DPF3: variants seen among roughly 807,000 people sequenced by gnomAD.
DPF3 encodes double PHD fingers 3, also known as zinc finger protein DPF3.
A neutral mutation model predicts 56.8 loss-of-function variants in DPF3; 18 were observed. The ratio of observed to expected loss-of-function variants is 0.32; its 90% CI spans 0.22 to 0.47. The LOEUF (loss-of-function observed/expected upper bound fraction) is 0.47. Ranked by LOEUF, DPF3 falls within the 20% of genes least tolerant of loss-of-function variation. The pLI, the probability that DPF3 is intolerant of heterozygous loss-of-function variation, is 1.00. For synonymous variants in DPF3, 188 were observed against 180.2 expected, an observed-to-expected ratio of 1.04 and a Z score of -0.35; for missense variants, 403 against 488.8, an observed-to-expected ratio of 0.82 and a Z score of 1.65.
At chr14:72,772,020 C>A (rs765290588) in intron 1 of DPF3, 127 bp from the exon 2 acceptor site, 39 of 1,037,974 alleles carry the variant, frequency 3.8e-5, no homozygotes, top group Non-Finnish European at 5.0e-5. Flanking sequence ...AAGACCAAGG[C>A]AATGAGCACC....
intron 3 of DPF3, among the ~76,000 whole-genome samples, chr14:72,736,295 G>C (rs1051121596): frequency 1.3e-5 from 2 of 152,102 alleles, no homozygotes; most frequent in African/African-American, 2.4e-5. Context: ...TTTCCATTTA[G>C]AGCGTATCTC....
intron 7 of DPF3, among the ~76,000 whole-genome samples, chr14:72,688,114 A>ATGGATGGG (rs1887490983): frequency 6.9e-6 from 1 of 145,818 alleles, no homozygotes; most frequent in African/African-American, 2.5e-5. Context: ...TGGTTATTAC[A>ATGGATGGG]TGGATGGGTG....
intron 6 of DPF3, among the ~76,000 whole-genome samples, chr14:72,705,923 AG>A (rs1888385132): frequency 6.6e-6 from 1 of 152,066 alleles, no homozygotes; most frequent in Non-Finnish European, 1.5e-5. Context: ...GGGGGAGGGA[AG>A]GAGAATGAGA....
At chr14:72,884,628 C>A (rs1424134379) in intron 1 of DPF3, among the ~76,000 whole-genome samples, 1 of 151,868 alleles carries the variant, frequency 6.6e-6, no homozygotes, top group African/African-American at 2.4e-5. Flanking sequence ...TCCTGCCCCC[C>A]AAGCTATCCT....
chr14:72,804,180 GACACACACAC>G (rs545355128), intron 1 of DPF3, among the ~76,000 whole-genome samples: 14 of 133,264 alleles, frequency 1.1e-4, no homozygotes, highest in South Asian at 2.6e-4. Context: ...TGCTTTCCAG[GACACACACAC>G]ACACACACAC....
At chr14:72,837,960 C>T (rs1884367867) in intron 1 of DPF3, among the ~76,000 whole-genome samples, 2 of 152,158 alleles carry the variant, frequency 1.3e-5, no homozygotes, top group Admixed American at 1.3e-4. Context: ...CTGCTGCAAG[C>T]TTTTTCCTCA....
chr14:72,715,175 G>C (rs1408853555), intron 5 of DPF3, among the ~76,000 whole-genome samples: 1 of 152,238 alleles, frequency 6.6e-6, no homozygotes, highest in Non-Finnish European at 1.5e-5. Flanking sequence ...CCTTCAGCCA[G>C]TGACGAAGAC....
At chr14:72,628,451 A>G (rs564305577) in intron 9 of DPF3, among the ~76,000 whole-genome samples, 3 of 152,182 alleles carry the variant, frequency 2.0e-5, no homozygotes, top group Non-Finnish European at 4.4e-5. Context: ...ATCTTCCTGG[A>G]ATTACTCCAG....
chr14:72,894,099 T>C lies in DPF3; in HGVS notation c.-11A>G. 2.7e-6 allele frequency: 4 copies of C among 1,489,510 alleles called. No homozygotes were observed. Among genetic ancestry groups the C allele is most frequent in the Non-Finnish European group, 3.5e-6 (4 of 1,128,522 alleles). 92.3% of individuals were successfully genotyped at this position (1,489,510 alleles called of 1,614,324 possible). ...AATGACAGTCGCCATTTTGCTACAA[T>C]GTAACAGAATATTGTCTCAGAGTTC... On this transcript the variant is annotated 5_prime_UTR_variant, in exon 1 of 11. Transcript: ENST00000556509.
intron 8 of DPF3, 35 bp downstream of exon 8, chr14:72,674,205 T>C: frequency 1.2e-6 from 2 of 1,600,672 alleles, no homozygotes; most frequent in Non-Finnish European, 1.7e-6. Context: ...ATTCCTGGTC[T>C]ACGGGCACCC....
At chr14:72,636,218 T>A (rs1403131892) in intron 8 of DPF3, among the ~76,000 whole-genome samples, 1 of 152,226 alleles carries the variant, frequency 6.6e-6, no homozygotes, top group Non-Finnish European at 1.5e-5. Context: ...GGCTCAAATT[T>A]CAAATAGTTC....
intron 7 of DPF3, among the ~76,000 whole-genome samples, chr14:72,683,788 G>A (rs935952288): frequency 1.3e-5 from 2 of 152,174 alleles, no homozygotes; most frequent in Non-Finnish European, 2.9e-5. Context: ...GGTACAGCCT[G>A]AGATTCTACA....
Position 72,834,119 on chromosome 14 carries a change from C to T in DPF3, c.32+59938G>A, listed in dbSNP as rs1052986152. Among the ~76,000 whole-genome samples, 6 of 151,530 alleles carry T rather than the reference C, an allele frequency of 4.0e-5. No individual in the cohort carries two copies. The South Asian group carries it at 8.4e-4, about 21-fold the overall frequency. On this transcript the variant is annotated intron_variant, in intron 1 of 10. Transcript: ENST00000556509. The stretch of plus-strand genomic sequence containing the variant: ...ATTGAACCTGGGAGGAGAAGGTTGC[C>T]GTGAGCCGAGACTGCGCCATTGCAC...
Position 72,714,495 on chromosome 14 carries a change from C to A in DPF3, c.532G>T (p.Gly178Cys), listed in dbSNP as rs369816936. Residue 178 changes from glycine (G) to cysteine (C), a missense_variant, in exon 6 of 11, where the codon GGC becomes TGC. Physicochemically the swap from Gly to Cys is radical, Grantham distance 159. Coordinates refer to ENST00000556509, the MANE Select transcript of DPF3 (RefSeq NM_001280542.3). The stretch of plus-strand genomic sequence containing the variant: ...TGCCTCCTCCTGCCCCCTGCAGAGC[C>A]GCGAGCCTGGGGAGACATTGGGGTA... ...RKNRTRGRAR[G>C]SAGGRRRHDA... The A allele has an allele frequency of 6.2e-7, 1 of 1,613,742 alleles. No individual in the cohort carries two copies. The highest frequency in any genetic ancestry group is 8.5e-7 in the Non-Finnish European group (1 of 1,179,760).
chr14:72,727,713 A>G (rs1378450325), intron 4 of DPF3, among the ~76,000 whole-genome samples: 1 of 151,992 alleles, frequency 6.6e-6, no homozygotes, highest in Non-Finnish European at 1.5e-5. Flanking sequence ...TGTGTGTCAC[A>G]TTCGAATATG....
rs1335903110 is a variant in DPF3, at chr14:72,666,261, C to T, written c.871+7979G>A. On this transcript the variant is annotated intron_variant, in intron 8 of 10. Transcript: ENST00000556509. ...TTTAGGAAGCTCAACTTTAGTTCTCCCAGAAAGTTCATGAGGACTTAGACA... is the reference window on the plus strand; with the variant it reads ...TTTAGGAAGCTCAACTTTAGTTCTCTCAGAAAGTTCATGAGGACTTAGACA... Among the ~76,000 whole-genome samples the T allele has an allele frequency of 2.0e-5, 3 of 152,154 alleles. No individual in the cohort carries two copies. The East Asian group carries it at 5.8e-4, about 29-fold the overall frequency.
intron 8 of DPF3, among the ~76,000 whole-genome samples, chr14:72,642,000 G>A (rs79286417): frequency 0.054 from 8,178 of 152,306 alleles, 472 homozygotes; most frequent in East Asian, 0.16. Context: ...GCAAGGAGCT[G>A]AGGGAAGCCT....
chr14:72,769,787 A>C (rs914781085), intron 2 of DPF3, among the ~76,000 whole-genome samples: 9 of 152,184 alleles, frequency 5.9e-5, no homozygotes, highest in African/African-American at 2.2e-4. Context: ...ATTAAAATAC[A>C]TCAAATATGT....
intron 1 of DPF3, among the ~76,000 whole-genome samples, chr14:72,791,709 C>T (rs1892439121): frequency 6.6e-6 from 1 of 152,224 alleles, no homozygotes; most frequent in African/African-American, 2.4e-5. Context: ...CATACATTCA[C>T]TTTCATGTTA....
Sources: gnomAD v4.1 joint callset for allele counts (sites outside exome capture counted in the v4.1 genomes callset) on GRCh38, gnomAD v4.1.1 for gene constraint, MANE v1.5 for transcripts, NCBI Gene and HGNC (gene_info 2026-07-23, HGNC 2026-07-21) for gene names.